The following FLT4 variants were observed in gnomAD, a reference collection of about 807,000 sequenced individuals.
FLT4 encodes the protein vascular endothelial growth factor receptor 3.
FLT4 carries 30 observed loss-of-function variants against 163.2 expected under a neutral mutation model. The ratio of observed to expected loss-of-function variants is 0.18; its 90% CI spans 0.14 to 0.25. The LOEUF (loss-of-function observed/expected upper bound fraction) is 0.25, where lower values mean the gene tolerates loss of function less well. FLT4 is among the 10% of genes least tolerant of loss of function. The probability of loss-of-function intolerance (pLI) is 1.00; values close to 1 mark genes in which losing one functional copy is unlikely to be tolerated. For synonymous variants in FLT4, 884 were observed against 789.5 expected (o/e 1.12, Z -2.01); for missense variants, 1,510 against 1,863.8 (o/e 0.81, Z 3.50).
intron 1 of FLT4, among the ~76,000 whole-genome samples, chr5:180,641,540 C>T (rs961107247): frequency 6.6e-5 from 10 of 152,138 alleles, no homozygotes; most frequent in Non-Finnish European, 8.8e-5. Context: ...AGGGAGCTGG[C>T]GGGGAGCAAC....
At position 180,621,886 on chromosome 5, in the gene FLT4, G is replaced by A. The variant is rs1212875216; in HGVS notation, c.1676C>T (p.Thr559Ile). The change falls in exon 13 of 30, where the codon ACC becomes ATC. Residue 559 changes from threonine (T) to isoleucine (I), a missense_variant. By Grantham distance (89) the Thr-to-Ile change is moderately conservative (BLOSUM62 -1). Transcript: ENST00000261937. ...FYVTTIPDGF[T>I]IESKPSEELL... ...CTCCTCGGATGGCTTGGATTCGATG[G>A]TGAAGCCGTCGGGGATGGCTGTGGA... 1.2e-6 allele frequency: 2 copies of A among 1,613,550 alleles called. No individual in the cohort carries two copies. Among genetic ancestry groups the A allele is most frequent in the Admixed American group, 1.7e-5 (1 of 60,018 alleles).
chr5:180,622,047 C>CA, intron 12 of FLT4, 143 bp from the exon 13 acceptor site: 1 of 932,488 alleles, frequency 1.1e-6, no homozygotes. Context: ...CCCGCCCCAC[C>CA]AAAAGCCCAG....
At chr5:180,603,861 A>C (rs190589696) in intron 29 of FLT4, among the ~76,000 whole-genome samples, 2 of 151,082 alleles carry the variant, frequency 1.3e-5, no homozygotes, top group Non-Finnish European at 2.9e-5. Context: ...CTGAGATCGC[A>C]CCACTGCACT....
chr5:180,620,213 A>C lies in FLT4; in HGVS notation c.2502T>G (p.Asp834Glu), dbSNP rs796052101. The C allele has an allele frequency of 6.2e-7, 1 of 1,610,782 alleles. No individual in the cohort carries two copies. The highest frequency in any genetic ancestry group is 8.5e-7 in the Non-Finnish European group (1 of 1,179,944). ...LEEQCEYLSY[D>E]ASQWEFPRER... ...CTCGGGGGAATTCCCACTGGCTGGC[A>C]TCGTAGGACAGGTATTCGCATTGCT... Residue 834 changes from aspartate to glutamate, a missense_variant, in exon 17 of 30, where the codon GAT becomes GAG. By Grantham distance (45) the Asp-to-Glu change is conservative. This residue lies in a region of FLT4 where 878 missense variants were observed against 1,016.7 expected (regional missense o/e 0.86). Coordinates refer to ENST00000261937, the MANE Select transcript of FLT4 (RefSeq NM_182925.5). The surrounding 1 kb of genome is among the most constrained non-coding windows in gnomAD (Gnocchi z 4.4).
At chr5:180,624,894 G>A (rs998826735) in intron 10 of FLT4, among the ~76,000 whole-genome samples, 1 of 152,262 alleles carries the variant, frequency 6.6e-6, no homozygotes, top group Non-Finnish European at 1.5e-5. Flanking sequence ...GAGCCGAGCA[G>A]GGACCCCCCG....
In FLT4 at chr5:180,618,874, A is replaced by G. The variant is rs1762885038; in HGVS notation, c.2897T>C (p.Leu966Pro). 1 of 1,587,774 alleles carries G rather than the reference A, an allele frequency of 6.3e-7. No homozygotes were observed. The highest frequency in any genetic ancestry group is 1.8e-5 in the Admixed American group (1 of 56,480). The change falls in exon 21 of 30, where the codon CTC (leucine) becomes CCC (proline). Residue 966 changes from leucine (L) to proline (P), a missense_variant. By Grantham distance (98) the Leu-to-Pro change is moderately conservative. Coordinates refer to ENST00000261937, the MANE Select transcript of FLT4 (RefSeq NM_182925.5). ...QRGRFRAMVE[L>P]ARLDRRRPGS... is the part of the protein sequence containing the mutation. ...CGGCCGCCTCCGATCCAGCCTGGCGAGCTCCACCATGGCGCGGAAGCGTCC... is the reference window on the plus strand; with the variant it reads ...CGGCCGCCTCCGATCCAGCCTGGCGGGCTCCACCATGGCGCGGAAGCGTCC...
chr5:180,611,536 C>G, intron 26 of FLT4, 57 bp from the exon 27 acceptor site: 6 of 1,590,638 alleles, frequency 3.8e-6, no homozygotes, highest in Non-Finnish European at 4.3e-6. Flanking sequence ...GCCCTCAGCC[C>G]TCGCCCCCAC....
At chr5:180,606,173 A>G (rs1423261099) in intron 29 of FLT4, among the ~76,000 whole-genome samples, 3 of 152,210 alleles carry the variant, frequency 2.0e-5, no homozygotes, top group Admixed American at 2.0e-4. Flanking sequence ...TCTCAAATGA[A>G]CAAATCCATC....
rs530619816 is a variant in FLT4, at chr5:180,623,730, C to G, written c.1548+205G>C. On this transcript the variant is annotated intron_variant, in intron 11 of 29. Transcript: ENST00000261937. This position sits in a 1 kb window ranked among gnomAD's most constrained non-coding sequence, Gnocchi z 5.8. ...CTTGTCTGGGAAGCCGCCAGAGGTC[C>G]GCCCTCCATCACAAAGCCGGAGACT... Among the ~76,000 whole-genome samples, 6 of 152,142 alleles carry G rather than the reference C, an allele frequency of 3.9e-5. No individual in the cohort carries two copies. The highest frequency in any genetic ancestry group is 8.8e-5 in the Non-Finnish European group (6 of 68,006).
In FLT4 at chr5:180,629,262, G is replaced by A. The variant is rs2127834139; in HGVS notation, c.982C>T (p.His328Tyr). 1.9e-6 allele frequency: 3 copies of A among 1,613,018 alleles called. No homozygotes were observed. Among genetic ancestry groups the A allele is most frequent in the Non-Finnish European group, 2.5e-6 (3 of 1,179,994 alleles). Residue 328 changes from histidine (H) to tyrosine (Y), a missense_variant, in exon 7 of 30, where the codon CAT (histidine) becomes TAT (tyrosine). Physicochemically the swap from His to Tyr is moderately conservative, Grantham distance 83. Coordinates refer to ENST00000261937, the MANE Select transcript of FLT4 (RefSeq NM_182925.5). ...ACCCTGGTTTCCCAGGCCATACCATGCACAATGACCTCGGTGCTCTCCCGA... is the reference window on the plus strand; with the variant it reads ...ACCCTGGTTTCCCAGGCCATACCATACACAATGACCTCGGTGCTCTCCCGA... ...RFRESTEVIV[H>Y]ENPFISVEWL...
upstream of FLT4, among the ~76,000 whole-genome samples, chr5:180,650,018 C>G (rs533409383): frequency 2.6e-5 from 4 of 151,644 alleles, no homozygotes; most frequent in South Asian, 6.3e-4. Flanking sequence ...CAAAAATAAA[C>G]AAGCAAATAA....
chr5:180,629,083 CCGGCAGCCG>C, intron 7 of FLT4, 84 bp from the exon 8 acceptor site: 1 of 1,464,470 alleles, frequency 6.8e-7, no homozygotes, highest in Non-Finnish European at 9.6e-7. Context: ...CCCTGCAGCC[CCGGCAGCCG>C]GACATCCGCA....
intron 1 of FLT4, among the ~76,000 whole-genome samples, chr5:180,633,290 A>T (rs1764317939): frequency 1.3e-5 from 2 of 152,194 alleles, no homozygotes; most frequent in Non-Finnish European, 2.9e-5. Flanking sequence ...CAGAGCAGGA[A>T]GGGCCTTAAA....
intron 26 of FLT4, 189 bp downstream of exon 26, chr5:180,612,317 G>C: frequency 1.6e-6 from 1 of 614,168 alleles, no homozygotes; most frequent in Non-Finnish European, 2.9e-6. Flanking sequence ...GCTGTGCAGC[G>C]GGTGTGTACT....
chr5:180,613,391 C>A, intron 24 of FLT4: 1 of 425,132 alleles, frequency 2.4e-6, no homozygotes, highest in East Asian at 3.7e-5. Context: ...CGGTAGACAT[C>A]ATGGTTACTG....
rs1008855035 is a variant in FLT4, at chr5:180,602,831, G to A, written c.*361C>T. Reference sequence around the variant, plus strand: ...TGACTCCCAGACCCACAGATTCCTCGTGGGAAAACAGGGACCAGGCCACCA... The same window carrying A: ...TGACTCCCAGACCCACAGATTCCTCATGGGAAAACAGGGACCAGGCCACCA... On this transcript the variant is annotated 3_prime_UTR_variant, in exon 30 of 30. Coordinates refer to ENST00000261937, the MANE Select transcript of FLT4 (RefSeq NM_182925.5). 8.3e-5 allele frequency: 46 copies of A among 556,436 alleles called. No homozygotes were observed. The highest frequency in any genetic ancestry group is 5.4e-4 in the South Asian group (20 of 37,320). The allele number at this position is 556,436 out of a possible 1,614,324, so 34.5% of individuals were successfully genotyped here. A position where few individuals can be genotyped will look rare whatever the true frequency, so the allele number is the denominator to read the frequency against.
Position 180,625,860 on chromosome 5 carries a change from T to C in FLT4, c.1421+9A>G, listed in dbSNP as rs750049060. On this transcript the variant is annotated intron_variant, in intron 10 of 29. Transcript: ENST00000261937. ...TGTGCAGGGGACCTGAGGCTGGAGCTGTACTCACAGACTACGCTGGGCAAA... is the reference window on the plus strand; with the variant it reads ...TGTGCAGGGGACCTGAGGCTGGAGCCGTACTCACAGACTACGCTGGGCAAA... 5.6e-6 allele frequency: 9 copies of C among 1,610,642 alleles called. No individual in the cohort carries two copies. The highest frequency in any genetic ancestry group is 7.6e-6 in the Non-Finnish European group (9 of 1,179,678).
At chr5:180,613,283 G>A in intron 24 of FLT4, 173 bp from the exon 25 acceptor site, 1 of 556,700 alleles carries the variant, frequency 1.8e-6, no homozygotes, top group East Asian at 2.9e-5. Flanking sequence ...GGACCTGTGG[G>A]CAAGTCGCTG....
chr5:180,602,646 T>C lies in FLT4; in HGVS notation c.*546A>G. On this transcript the variant is annotated 3_prime_UTR_variant, in exon 30 of 30. Coordinates refer to ENST00000261937, the MANE Select transcript of FLT4 (RefSeq NM_182925.5). Reference sequence around the variant, plus strand: ...TTTGGTCAGGCCCAGAAGAGGACCCTGCAAATGCCTTCTTTGAGATGGAAA... The same window carrying C: ...TTTGGTCAGGCCCAGAAGAGGACCCCGCAAATGCCTTCTTTGAGATGGAAA... 4.9e-6 allele frequency: 2 copies of C among 411,904 alleles called. No individual in the cohort carries two copies. Among genetic ancestry groups the C allele is most frequent in the East Asian group, 6.9e-5 (2 of 28,922 alleles). The allele number at this position is 411,904 out of a possible 1,614,324, so 25.5% of individuals were successfully genotyped here. A position where few individuals can be genotyped will look rare whatever the true frequency, so the allele number is the denominator to read the frequency against.
Sources: gnomAD v4.1 joint callset for allele counts (sites outside exome capture counted in the v4.1 genomes callset) on GRCh38, gnomAD v4.1.1 for gene constraint, gnomAD v4.1.1 regional missense constraint, Gnocchi (gnomAD v3.1) non-coding constraint, MANE v1.5 for transcripts, NCBI Gene and HGNC (gene_info 2026-07-23, HGNC 2026-07-21) for gene names.